Variants in TAF5 observed in about 807,000 individuals in gnomAD.
TAF5 encodes transcription initiation factor TFIID subunit 5.
TAF5 carries 20 observed loss-of-function variants against 80.9 expected under a neutral mutation model. That is an observed-to-expected ratio of 0.25 (90% CI 0.17 to 0.36). The LOEUF is 0.36. TAF5 is among the 10% of genes least tolerant of loss of function. The pLI, the probability that TAF5 is intolerant of heterozygous loss-of-function variation, is 1.00. For synonymous variants in TAF5, 388 were observed against 406.4 expected, an observed-to-expected ratio of 0.95 and a Z score of 0.55; for missense variants, 863 against 1,029.4, an observed-to-expected ratio of 0.84 and a Z score of 2.21.
At chr10:103,373,783 G>A (rs1276142027) in intron 2 of TAF5, among the ~76,000 whole-genome samples, 188 bp downstream of exon 2, 1 of 152,124 alleles carries the variant, frequency 6.6e-6, no homozygotes, top group Non-Finnish European at 1.5e-5. Flanking sequence ...AGTCAGAGAA[G>A]GCTTCCAGAG....
At chr10:103,371,235 T>C (rs1351318480) in intron 1 of TAF5, among the ~76,000 whole-genome samples, 2 of 138,574 alleles carry the variant, frequency 1.4e-5, no homozygotes, top group African/African-American at 2.6e-5. Flanking sequence ...AGAGCAAAAC[T>C]CCGTCTTTAC....
At chr10:103,387,144 T>C in intron 8 of TAF5, 31 bp from the exon 9 acceptor site, 1 of 1,587,318 alleles carries the variant, frequency 6.3e-7, no homozygotes, top group Non-Finnish European at 8.6e-7. Context: ...CTACTAATTG[T>C]CATCTTTTGC....
At chr10:103,369,269 G>A (rs2093353409) in intron 1 of TAF5, among the ~76,000 whole-genome samples, 1 of 151,858 alleles carries the variant, frequency 6.6e-6, no homozygotes, top group African/African-American at 2.4e-5. Context: ...GTGAGACACC[G>A]CGCCCGGCCG....
chr10:103,375,249 C>T (rs2093367924), intron 2 of TAF5, among the ~76,000 whole-genome samples: 1 of 151,888 alleles, frequency 6.6e-6, no homozygotes, highest in African/African-American at 2.4e-5. Flanking sequence ...AAAGAATTAT[C>T]CTGCCCAAAA....
intron 8 of TAF5, 113 bp downstream of exon 8, chr10:103,385,603 T>G: frequency 8.2e-7 from 1 of 1,214,398 alleles, no homozygotes. Flanking sequence ...AGGTTCAACT[T>G]TCTGAGAAGC....
intron 2 of TAF5, among the ~76,000 whole-genome samples, chr10:103,376,040 G>T (rs2093369247): frequency 6.9e-6 from 1 of 145,938 alleles, no homozygotes; most frequent in African/African-American, 2.5e-5. Flanking sequence ...CCTTGGCGAA[G>T]AGTGAAAGTC....
At chr10:103,383,167 CTG>C in intron 6 of TAF5, 69 bp from the exon 7 acceptor site, 1 of 1,391,630 alleles carries the variant, frequency 7.2e-7, no homozygotes, top group Non-Finnish European at 9.6e-7. Flanking sequence ...CTCTCCTGCA[CTG>C]TGATATGATT....
rs144616493 is a variant in TAF5 at position 103,379,971 on chromosome 10, G to A, written c.1365G>A (p.Pro455=). 5.0e-6 allele frequency: 8 copies of A among 1,613,904 alleles called. No homozygotes were observed. Among genetic ancestry groups the A allele is most frequent in the East Asian group, 2.2e-5 (1 of 44,860 alleles). Residue 455 remains proline, a synonymous_variant, in exon 5 of 11, where the codon CCG becomes CCA. Transcript: ENST00000369839. ...CCACCAAACGAGTGCGCCTTGGGCC[G>A]GACTGCTTACCCTCCATTTGTTTCT... ...KETTKRVRLG[P]DCLPSICFYT... is the part of the protein sequence containing the mutation.
Position 103,380,758 on chromosome 10 carries a change from T to C in TAF5, c.1413+739T>C, listed in dbSNP as rs191310706. Among the ~76,000 whole-genome samples the C allele has an allele frequency of 2.1e-4, 32 of 151,336 alleles. No homozygotes were observed. The East Asian group carries it at 6.3e-3, about 30-fold the overall frequency. On this transcript the variant is annotated intron_variant, in intron 5 of 10. Transcript: ENST00000369839. ...GCCTCGGCCTCCTGAATAGCTGGGA[T>C]TACAGGCACCCTCCACCATGCCTGG... is the stretch of plus-strand genomic sequence containing the variant.
Position 103,368,553 on chromosome 10 carries a change from G to A in TAF5, c.559+5G>A. On this transcript the variant is annotated splice_donor_5th_base_variant and intron_variant, in intron 1 of 10. Coordinates refer to ENST00000369839, the MANE Select transcript of TAF5 (RefSeq NM_006951.5). ...GTCCTGCGGCTCCGGGTAAAGGTGA[G>A]CCGTGGGGTCCCGGGTAGGTACGGC... 1 of 1,495,450 alleles carries A rather than the reference G, an allele frequency of 6.7e-7. No individual in the cohort carries two copies. Among genetic ancestry groups the A allele is most frequent in the Non-Finnish European group, 8.8e-7 (1 of 1,130,556 alleles). 92.6% of individuals were successfully genotyped at this position (1,495,450 alleles called of 1,614,324 possible).
intron 1 of TAF5, among the ~76,000 whole-genome samples, 188 bp downstream of exon 1, chr10:103,368,736 C>A (rs1217392870): frequency 2.0e-5 from 3 of 152,180 alleles, no homozygotes; most frequent in Non-Finnish European, 1.5e-5. Context: ...GCTGTCAGTT[C>A]CAGTGAGAAG....
At chr10:103,380,131 CT>C (rs878890345) in intron 5 of TAF5, 112 bp downstream of exon 5, 115,068 of 948,974 alleles carry the variant, frequency 0.12, no homozygotes, top group South Asian at 0.15. Context: ...ATTTAAACTC[CT>C]TTTTTTTTTT....
At chr10:103,387,836 C>G in intron 10 of TAF5, 138 bp downstream of exon 10, 1 of 1,119,868 alleles carries the variant, frequency 8.9e-7, no homozygotes, top group South Asian at 1.5e-5. Context: ...ACATCAATCA[C>G]TTCTCAGGTT....
Position 103,385,500 on chromosome 10 carries a change from CTG to C in TAF5, c.1829+13_1829+14del, listed in dbSNP as rs1409920079. On this transcript the variant is annotated intron_variant, in intron 8 of 10. Coordinates refer to ENST00000369839, the MANE Select transcript of TAF5 (RefSeq NM_006951.5). Reference sequence around the variant, plus strand: ...ATGACCGAGTAGCTCGGTAAGAACACTGTGATCTTATGACTGGGTCTATTCAA... The same window carrying C: ...ATGACCGAGTAGCTCGGTAAGAACACTGATCTTATGACTGGGTCTATTCAA... The C allele has an allele frequency of 1.2e-6, 2 of 1,613,076 alleles. No homozygotes were observed. Among genetic ancestry groups the C allele is most frequent in the African/African-American group, 1.3e-5 (1 of 74,862 alleles).
rs1336500274 is a variant in TAF5, at chr10:103,368,048, C to T, written c.59C>T (p.Pro20Leu). Residue 20 changes from proline to leucine, a missense_variant, in exon 1 of 11, where the codon CCG becomes CTG. Pro to Leu is a moderately conservative substitution (Grantham distance 98). This residue lies in a region of TAF5 where 367 missense variants were observed against 335.5 expected (regional missense o/e 1.09). Transcript: ENST00000369839. ...EVAVKLEPEG[P>L]PTLLPPQAGD... ...GCGGTCAAGCTAGAGCCTGAGGGAC[C>T]GCCAACGCTGCTACCTCCGCAGGCG... 2.8e-6 allele frequency: 4 copies of T among 1,444,794 alleles called. No homozygotes were observed. The highest frequency in any genetic ancestry group is 1.8e-6 in the Non-Finnish European group (2 of 1,102,270). 89.5% of individuals were successfully genotyped at this position (1,444,794 alleles called of 1,614,324 possible). A position where few individuals can be genotyped will look rare whatever the true frequency, so the allele number is the denominator to read the frequency against.
At chr10:103,369,076 T>G (rs1418197581) in intron 1 of TAF5, among the ~76,000 whole-genome samples, 1 of 151,614 alleles carries the variant, frequency 6.6e-6, no homozygotes, top group African/African-American at 2.4e-5. Flanking sequence ...CCTCCCGGGT[T>G]CAAGCAATTC....
At chr10:103,379,557 G>A (rs1293507968) in intron 3 of TAF5, 51 bp from the exon 4 acceptor site, 1 of 1,388,700 alleles carries the variant, frequency 7.2e-7, no homozygotes, top group Non-Finnish European at 9.7e-7. Context: ...TGTAAAATGG[G>A]TATATTAATG....
chr10:103,386,425 G>A (rs1249159703), intron 8 of TAF5, among the ~76,000 whole-genome samples: 3 of 152,208 alleles, frequency 2.0e-5, no homozygotes, highest in African/African-American at 7.2e-5. Context: ...GGATGACAGA[G>A]TGAGACTGTC....
At chr10:103,380,886 G>T (rs2093381216) in intron 5 of TAF5, among the ~76,000 whole-genome samples, 1 of 152,138 alleles carries the variant, frequency 6.6e-6, no homozygotes, top group Non-Finnish European at 1.5e-5. Flanking sequence ...CTCCCAAAGT[G>T]CTGGGATTAC....
Sources: allele counts gnomAD v4.1 joint callset (sites outside exome capture counted in the v4.1 genomes callset), GRCh38; gene constraint gnomAD v4.1.1; regional missense constraint gnomAD v4.1.1; transcripts MANE v1.5; gene names NCBI Gene and HGNC (gene_info 2026-07-23, HGNC 2026-07-21).